Variants in ZNF133 observed in about 807,000 individuals in gnomAD.
ZNF133 encodes the protein zinc finger protein 133, also known as zinc finger protein 133 (clone pHZ-13).
In ZNF133, 26 loss-of-function variants were observed where a neutral mutation model predicts 54.9. That is an observed-to-expected ratio of 0.47 (90% confidence interval 0.35 to 0.66). The LOEUF (loss-of-function observed/expected upper bound fraction) is 0.66. ZNF133 is among the 30% of genes least tolerant of loss of function. ZNF133 has a pLI of 0.01. For missense variants in ZNF133, 653 were observed against 820.8 expected (o/e 0.80, Z 2.50); for synonymous variants, 298 against 320.3 (o/e 0.93, Z 0.74).
rs769061182 is a variant in ZNF133 at position 18,316,387 on chromosome 20, C to T, written c.1536C>T (p.His512=). 1.9e-6 allele frequency: 3 copies of T among 1,614,002 alleles called. No individual in the cohort carries two copies. Among genetic ancestry groups the T allele is most frequent in the Middle Eastern group, 1.6e-4 (1 of 6,062 alleles). The change falls in exon 7 of 7, where the codon CAC becomes CAT. Residue 512 remains histidine (H), a synonymous_variant. Coordinates refer to ENST00000425686, the MANE Select transcript of ZNF133 (RefSeq NM_001352452.2). ...GCCAGAAGTCAAACCTTGTTGCACA[C>T]CAGAGGACGCACTCAGGGGAGAGGC... ...GFSQKSNLVA[H]QRTHSGERPY...
chr20:18,294,857 G>C (rs1297826855), intron 1 of ZNF133, among the ~76,000 whole-genome samples: 1 of 152,194 alleles, frequency 6.6e-6, no homozygotes, highest in African/African-American at 2.4e-5. Flanking sequence ...CGATGTTGGA[G>C]TCTTTTTGCT....
chr20:18,305,581 T>C lies in ZNF133; in HGVS notation c.-6-100T>C. On this transcript the variant is annotated intron_variant, in intron 4 of 6. Transcript: ENST00000425686. This position sits in a 1 kb window ranked among gnomAD's most constrained non-coding sequence, Gnocchi z 4.7. ...GGCACCAGGGTCACTGGGATCTTGA[T>C]ATCTCACCTGCCTCCCCCAGGGCAG... 1 of 1,555,662 alleles carries C rather than the reference T, an allele frequency of 6.4e-7. No homozygotes were observed. The highest frequency in any genetic ancestry group is 1.9e-5 in the Admixed American group (1 of 53,472).
Position 18,315,552 on chromosome 20 carries a change from G to A in ZNF133, c.701G>A (p.Arg234Gln), listed in dbSNP as rs758432799. The change falls in exon 7 of 7, where the codon CGG (arginine) becomes CAG (glutamine). Residue 234 changes from arginine (R) to glutamine (Q), a missense_variant. Physicochemically the swap from Arg to Gln is conservative, Grantham distance 43. Transcript: ENST00000425686. ...SKMTNLLSHQ[R>Q]IHSGEKPYVC... is the part of the protein sequence containing the mutation. ...ATGACAAACCTGCTCAGTCACCAGCGGATACACTCAGGGGAGAAGCCCTAC... is the reference window on the plus strand; with the variant it reads ...ATGACAAACCTGCTCAGTCACCAGCAGATACACTCAGGGGAGAAGCCCTAC... The A allele has an allele frequency of 1.2e-5, 20 of 1,614,192 alleles. No individual in the cohort carries two copies. Among genetic ancestry groups the A allele is most frequent in the South Asian group, 4.4e-5 (4 of 91,086 alleles).
Position 18,315,883 on chromosome 20 carries a change from C to G in ZNF133, c.1032C>G (p.His344Gln). 6.2e-7 allele frequency: 1 copy of G among 1,614,040 alleles called. No individual in the cohort carries two copies. The highest frequency in any genetic ancestry group is 8.5e-7 in the Non-Finnish European group (1 of 1,180,004). Residue 344 changes from histidine to glutamine, a missense_variant, in exon 7 of 7, where the codon CAC (histidine) becomes CAG (glutamine). Transcript: ENST00000425686. ...GCCAGAAGTCAGCTGTCGTGAGACA[C>G]CAGAGGACACACTTGGAGGAGAAGA... is the stretch of plus-strand genomic sequence containing the variant. The part of the protein sequence containing the change: ...GFSQKSAVVR[H>Q]QRTHLEEKTI...
intron 6 of ZNF133, among the ~76,000 whole-genome samples, chr20:18,309,163 G>A (rs1370624684): frequency 6.6e-6 from 1 of 152,020 alleles, no homozygotes; most frequent in Non-Finnish European, 1.5e-5. Context: ...CCACCCTTAC[G>A]ACCTTATTTA....
chr20:18,299,245 AACAG>A (rs1487251475), intron 3 of ZNF133, among the ~76,000 whole-genome samples: 41 of 152,306 alleles, frequency 2.7e-4, no homozygotes, highest in South Asian at 4.1e-4. Flanking sequence ...AATATCAATA[AACAG>A]ACAGAAAACA....
intron 6 of ZNF133, 167 bp downstream of exon 6, chr20:18,306,560 C>T (rs1051532021): frequency 4.7e-6 from 4 of 850,872 alleles, no homozygotes; most frequent in Admixed American, 2.8e-5. Flanking sequence ...CATCTTCATT[C>T]GAGTATGGAC....
At position 18,316,092 on chromosome 20, in the gene ZNF133, T is replaced by G; in HGVS notation, c.1241T>G (p.Val414Gly). 10 of 1,608,848 alleles carry G rather than the reference T, an allele frequency of 6.2e-6. No individual in the cohort carries two copies. The highest frequency in any genetic ancestry group is 8.5e-6 in the Non-Finnish European group (10 of 1,178,236). The change falls in exon 7 of 7, where the codon GTG becomes GGG. Residue 414 changes from valine to glycine, a missense_variant. Transcript: ENST00000425686. ...HSKEKPYVCGVCGHSFSQNST... is the reference protein window; with the variant it reads ...HSKEKPYVCGGCGHSFSQNST... Reference sequence around the variant, plus strand: ...AAGGAGAAGCCCTATGTGTGCGGGGTGTGTGGGCACAGCTTCAGCCAGAAT... The same window carrying G: ...AAGGAGAAGCCCTATGTGTGCGGGGGGTGTGGGCACAGCTTCAGCCAGAAT...
chr20:18,301,926 T>G (rs1234263176), intron 3 of ZNF133, among the ~76,000 whole-genome samples: 2 of 152,102 alleles, frequency 1.3e-5, no homozygotes, highest in South Asian at 4.1e-4. Context: ...GAGGCCAGCA[T>G]TACTCTGATA....
At chr20:18,301,261 TATGAG>T (rs1437920176) in intron 3 of ZNF133, among the ~76,000 whole-genome samples, 1 of 152,104 alleles carries the variant, frequency 6.6e-6, no homozygotes, top group Non-Finnish European at 1.5e-5. Flanking sequence ...TAGGAAAACT[TATGAG>T]ATGAAGTAAA....
chr20:18,288,533 T>G lies in ZNF133; in HGVS notation c.-503T>G. ...GCTGTGCCGAGGATTCGGGGTAGTG[T>G]AGTCCTGGCGCCCCGCTGGAGGAGC... On this transcript the variant is annotated 5_prime_UTR_variant, in exon 1 of 7. Transcript: ENST00000425686. The G allele has an allele frequency of 2.5e-6, 1 of 398,614 alleles. No homozygotes were observed. The highest frequency in any genetic ancestry group is 4.4e-6 in the Non-Finnish European group (1 of 226,090). The allele number at this position is 398,614 out of a possible 1,614,324, so 24.7% of individuals were successfully genotyped here. A position where few individuals can be genotyped will look rare whatever the true frequency, so the allele number is the denominator to read the frequency against.
intron 6 of ZNF133, chr20:18,310,435 T>C (rs2045632182): frequency 3.9e-6 from 4 of 1,024,228 alleles, no homozygotes; most frequent in Non-Finnish European, 5.3e-6. Context: ...GTTTCATTAA[T>C]CAGAATGCTA....
rs2047453746 is a variant in ZNF133, at chr20:18,316,294, C to T, written c.1443C>T (p.Leu481=). The change falls in exon 7 of 7, where the codon CTC becomes CTT. Residue 481 remains leucine (L), a synonymous_variant. Transcript: ENST00000425686. ...CGRGFSQQSN[L]IRHQRTHSGE... ...GGGGCTTCAGCCAGCAATCCAACCT[C>T]ATCAGACACCAGAGGACGCACTCAG... 6.2e-7 allele frequency: 1 copy of T among 1,613,412 alleles called. No individual in the cohort carries two copies. The highest frequency in any genetic ancestry group is 1.1e-5 in the South Asian group (1 of 90,992).
intron 6 of ZNF133, among the ~76,000 whole-genome samples, chr20:18,311,390 G>A (rs1348369014): frequency 6.6e-6 from 1 of 152,128 alleles, no homozygotes; most frequent in Non-Finnish European, 1.5e-5. Context: ...TTATTTCTAA[G>A]TTGAGTATAC....
intron 6 of ZNF133, chr20:18,312,773 GGC>G (rs1310652695): frequency 1.3e-5 from 2 of 152,206 alleles, no homozygotes; most frequent in Non-Finnish European, 2.9e-5. Context: ...GGAATGCAGT[GGC>G]GCAATCTCGG....
rs2047154908 is a variant in ZNF133, at chr20:18,315,091, C to T, written c.240C>T (p.Tyr80=). ...CAGCAGATCCAGAGCCAGAGCTCTA[C>T]CTCGATCCTTTCTGCCCTCCGGGTT... is the stretch of plus-strand genomic sequence containing the variant. ...TCPADPEPEL[Y]LDPFCPPGFS... is the part of the protein sequence containing the mutation. The change falls in exon 7 of 7, where the codon TAC becomes TAT. Residue 80 remains tyrosine (Y), a synonymous_variant. Coordinates refer to ENST00000425686, the MANE Select transcript of ZNF133 (RefSeq NM_001352452.2). 3 of 1,546,916 alleles carry T rather than the reference C, an allele frequency of 1.9e-6. No homozygotes were observed. The highest frequency in any genetic ancestry group is 1.4e-5 in the African/African-American group (1 of 72,918).
intron 1 of ZNF133, among the ~76,000 whole-genome samples, chr20:18,296,281 CT>C (rs568707256): frequency 6.6e-6 from 1 of 150,978 alleles, no homozygotes; most frequent in East Asian, 1.9e-4. Context: ...TTGGCCAGAC[CT>C]TTTTTTTTGG....
chr20:18,310,890 A>C (rs1456589638), intron 6 of ZNF133, among the ~76,000 whole-genome samples: 2 of 152,194 alleles, frequency 1.3e-5, no homozygotes, highest in Non-Finnish European at 2.9e-5. Context: ...TCAATTTAAA[A>C]ATTAATTAGT....
At position 18,297,524 on chromosome 20, in the gene ZNF133, C is replaced by T. The variant is rs140288891; in HGVS notation, c.-431-461C>T. ...TTTTTTAAATTTTTTTTCTGTCTCA[C>T]CATTTTTTTTTTGGTGGAATTTTCT... is the stretch of plus-strand genomic sequence containing the variant. On this transcript the variant is annotated intron_variant, in intron 1 of 6. Transcript: ENST00000425686. Among the ~76,000 whole-genome samples the T allele has an allele frequency of 6.4e-3, 969 of 151,250 alleles. 17 individuals carry two copies. Among genetic ancestry groups the T allele is most frequent in the African/African-American group, 0.023 (933 of 41,144 alleles).
Sources: allele counts gnomAD v4.1 joint callset (sites outside exome capture counted in the v4.1 genomes callset), GRCh38; gene constraint gnomAD v4.1.1; non-coding constraint Gnocchi (gnomAD v3.1); transcripts MANE v1.5; gene names NCBI Gene and HGNC (gene_info 2026-07-23, HGNC 2026-07-21).